POLN: variants seen among roughly 807,000 people sequenced by gnomAD.
POLN encodes the protein DNA polymerase N.
In POLN, 108 loss-of-function variants were observed where a neutral mutation model predicts 113.5. The ratio of observed to expected loss-of-function variants is 0.95; its 90% CI spans 0.81 to 1.12. The LOEUF is 1.12. POLN is among the 50% of genes most tolerant of loss of function. POLN has a pLI of 0.00. For synonymous variants in POLN, 386 were observed against 391.5 expected, an observed-to-expected ratio of 0.99 and a Z score of 0.17; for missense variants, 1,097 against 1,077.1, an observed-to-expected ratio of 1.02 and a Z score of -0.26.
chr4:2,183,711 G>A (rs1305857828), intron 7 of POLN, among the ~76,000 whole-genome samples: 1 of 151,980 alleles, frequency 6.6e-6, no homozygotes, highest in Non-Finnish European at 1.5e-5. Flanking sequence ...TTTTTTTGGG[G>A]TGACAAAAAT....
At chr4:2,181,752 G>A (rs1017978787) in intron 7 of POLN, among the ~76,000 whole-genome samples, 6 of 152,078 alleles carry the variant, frequency 3.9e-5, no homozygotes, top group African/African-American at 1.4e-4. Flanking sequence ...GCCGAAGCAG[G>A]CAGATCACGA....
chr4:2,156,622 T>G, intron 16 of POLN, 166 bp downstream of exon 16: 1 of 678,876 alleles, frequency 1.5e-6, no homozygotes, highest in Non-Finnish European at 2.6e-6. Flanking sequence ...CCATCTGTCT[T>G]GTTCTCCTGC....
In POLN at chr4:2,138,940, CT is replaced by C. The variant is rs112436211; in HGVS notation, c.1732-7651del. On this transcript the variant is annotated intron_variant, in intron 16 of 25. Transcript: ENST00000511885. ...AAAGAAAAAGGTGAAATCACTGTGC[CT>C]TTTTTTTTTTTCCTGATATTCCTGA... Among the ~76,000 whole-genome samples the C allele has an allele frequency of 1.6e-3, 228 of 144,062 alleles. 1 individual carries two copies. Among genetic ancestry groups the C allele is most frequent in the Middle Eastern group, 3.6e-3 (1 of 278 alleles). The allele number at this position is 144,062 out of a possible 152,430, so 94.5% of individuals were successfully genotyped here.
At chr4:2,137,306 T>C (rs1397182205) in intron 16 of POLN, among the ~76,000 whole-genome samples, 1 of 152,208 alleles carries the variant, frequency 6.6e-6, no homozygotes, top group Non-Finnish European at 1.5e-5. Context: ...AAGCCAAGGT[T>C]CTGTTGCCTC....
chr4:2,225,015 C>T (rs1734348082), intron 3 of POLN, among the ~76,000 whole-genome samples: 1 of 151,934 alleles, frequency 6.6e-6, no homozygotes, highest in Admixed American at 6.6e-5. Flanking sequence ...CACTAGGAGA[C>T]AGGAATTTTT....
intron 10 of POLN, 79 bp downstream of exon 10, chr4:2,174,612 G>A: frequency 2.5e-6 from 3 of 1,181,340 alleles, no homozygotes; most frequent in Non-Finnish European, 3.8e-6. Context: ...CCTAAGTAAG[G>A]TATGGAGAAA....
intron 23 of POLN, chr4:2,078,545 A>G (rs1300132945): frequency 2.1e-6 from 2 of 972,130 alleles, no homozygotes; most frequent in South Asian, 4.8e-5. Context: ...ATCTCAGCTC[A>G]CTCTAGGGGC....
At chr4:2,133,704 A>C (rs1429612952) in intron 16 of POLN, among the ~76,000 whole-genome samples, 1 of 152,164 alleles carries the variant, frequency 6.6e-6, no homozygotes, top group Non-Finnish European at 1.5e-5. Context: ...TTTTGTCTTT[A>C]AGACTCCATT....
chr4:2,105,173 G>C (rs1270118209), intron 19 of POLN, among the ~76,000 whole-genome samples: 1 of 152,148 alleles, frequency 6.6e-6, no homozygotes, highest in African/African-American at 2.4e-5. Flanking sequence ...CACCCACCCT[G>C]CTGCTGGCCC....
chr4:2,165,329 A>G, intron 13 of POLN, among the ~76,000 whole-genome samples: 1 of 152,364 alleles, frequency 6.6e-6, no homozygotes, highest in East Asian at 1.9e-4. Context: ...CAATCCGAAA[A>G]GGCTACATAC....
chr4:2,106,236 T>A (rs1003040315), intron 19 of POLN, among the ~76,000 whole-genome samples: 1 of 152,142 alleles, frequency 6.6e-6, no homozygotes, highest in African/African-American at 2.4e-5. Context: ...ACAGATCCAA[T>A]CTGAAAAGTG....
intron 7 of POLN, among the ~76,000 whole-genome samples, chr4:2,180,861 G>T (rs1733122416): frequency 6.6e-6 from 1 of 151,980 alleles, no homozygotes; most frequent in South Asian, 2.1e-4. Context: ...AGCTGAAAAA[G>T]AAATGCTAAC....
At chr4:2,090,741 A>C in intron 20 of POLN, 1 of 185,662 alleles carries the variant, frequency 5.4e-6, no homozygotes, top group Non-Finnish European at 1.1e-5. Flanking sequence ...CTAAAATCAA[A>C]CTCTGTCTCC....
chr4:2,135,631 C>T (rs1410808385), intron 16 of POLN, among the ~76,000 whole-genome samples: 1 of 152,208 alleles, frequency 6.6e-6, no homozygotes, highest in African/African-American at 2.4e-5. Context: ...ACCAAAGTGA[C>T]TGTGGTGGGA....
chr4:2,100,402 T>C (rs912258604), intron 19 of POLN, among the ~76,000 whole-genome samples: 9 of 152,052 alleles, frequency 5.9e-5, no homozygotes, highest in African/African-American at 1.5e-4. Context: ...ACAATAGCAA[T>C]AGAAACCTCA....
At chr4:2,147,507 G>A (rs1324923699) in intron 16 of POLN, among the ~76,000 whole-genome samples, 1 of 152,070 alleles carries the variant, frequency 6.6e-6, no homozygotes, top group African/African-American at 2.4e-5. Flanking sequence ...AGGGTGAAGA[G>A]GGTGACAGTC....
chr4:2,072,375 G>T, intron 25 of POLN, 76 bp from the exon 26 acceptor site: 2 of 1,292,628 alleles, frequency 1.5e-6, no homozygotes, highest in Non-Finnish European at 2.1e-6. Flanking sequence ...CCAAGCAGGG[G>T]GACAGGGCCT....
chr4:2,161,294 G>A (rs1461013700), intron 13 of POLN, among the ~76,000 whole-genome samples: 2 of 152,352 alleles, frequency 1.3e-5, no homozygotes, highest in Non-Finnish European at 2.9e-5. Context: ...GGGAACCGGG[G>A]CTGCGCGGGG....
chr4:2,150,603 CAAT>C (rs1219765937), intron 16 of POLN, among the ~76,000 whole-genome samples: 1 of 151,878 alleles, frequency 6.6e-6, no homozygotes, highest in African/African-American at 2.4e-5. Flanking sequence ...TCGAAAGCTA[CAAT>C]AATAAAGACA....
Sources: allele counts gnomAD v4.1 joint callset (sites outside exome capture counted in the v4.1 genomes callset), GRCh38; gene constraint gnomAD v4.1.1; transcripts MANE v1.5; gene names NCBI Gene and HGNC (gene_info 2026-07-23, HGNC 2026-07-21).